The following OLFM3 variants were observed in gnomAD, a reference collection of about 807,000 sequenced individuals.
The protein encoded by OLFM3 is olfactomedin 3.
A neutral mutation model predicts 48.6 loss-of-function variants in OLFM3; 20 were observed. The ratio of observed to expected loss-of-function variants is 0.41; its 90% CI spans 0.29 to 0.60. The LOEUF is 0.60. Among genes scored for constraint, OLFM3 ranks in the 20% least tolerant of loss-of-function variants. The pLI, the probability that OLFM3 is intolerant of heterozygous loss-of-function variation, is 0.28. For synonymous variants in OLFM3, 222 were observed against 198.1 expected (o/e 1.12, Z -1.01); for missense variants, 437 against 544.3 (o/e 0.80, Z 1.96).
chr1:101,950,438 T>G (rs1383213886), intron 1 of OLFM3, among the ~76,000 whole-genome samples: 5 of 105,668 alleles, frequency 4.7e-5, no homozygotes, highest in Admixed American at 9.2e-5. Context: ...TTATCTGCTT[T>G]CTTTCTTTTT....
chr1:101,959,089 A>AT (rs57611852), intron 1 of OLFM3, among the ~76,000 whole-genome samples: 28,314 of 151,608 alleles, frequency 0.19, 2,852 homozygotes, highest in East Asian at 0.38. Context: ...TTAGAAAACA[A>AT]TTTTAGATAA....
At chr1:101,882,465 C>G (rs1657572090) in intron 1 of OLFM3, 1 of 151,494 alleles carries the variant, frequency 6.6e-6, no homozygotes, top group Non-Finnish European at 1.5e-5. Flanking sequence ...ACTAAGCCAT[C>G]TTTCATGTCT....
chr1:101,938,384 C>G (rs1659687031), intron 1 of OLFM3, among the ~76,000 whole-genome samples: 1 of 152,134 alleles, frequency 6.6e-6, no homozygotes, highest in South Asian at 2.1e-4. Flanking sequence ...GGGGGATACT[C>G]CAAGTTTTTC....
intron 1 of OLFM3, among the ~76,000 whole-genome samples, chr1:101,972,848 A>T (rs1383587520): frequency 6.6e-6 from 1 of 152,204 alleles, no homozygotes; most frequent in African/African-American, 2.4e-5. Flanking sequence ...TATAGACTGC[A>T]TGTACCACAG....
chr1:101,976,158 T>A (rs1660947608), intron 1 of OLFM3, among the ~76,000 whole-genome samples: 1 of 152,242 alleles, frequency 6.6e-6, no homozygotes, highest in South Asian at 2.1e-4. Flanking sequence ...GTATTTTTGT[T>A]ATTATTTTAG....
intron 1 of OLFM3, among the ~76,000 whole-genome samples, chr1:101,940,539 CTATG>C (rs765224403): frequency 1.7e-4 from 26 of 151,638 alleles, no homozygotes; most frequent in Non-Finnish European, 2.7e-4. Flanking sequence ...GTCTATCTAT[CTATG>C]TATCTATCTA....
At position 101,836,853 on chromosome 1, in the gene OLFM3, A is replaced by G. The variant is rs758495906; in HGVS notation, c.216+26T>C. ...AAGAATGGTCGATTTTACTAAAAAT[A>G]TGCATAGGGGACACAGGACACCTAC... On this transcript the variant is annotated intron_variant, in intron 2 of 5. Coordinates refer to ENST00000370103, the MANE Select transcript of OLFM3 (RefSeq NM_058170.4). The G allele has an allele frequency of 2.0e-5, 32 of 1,610,172 alleles. No homozygotes were observed. In the South Asian group the frequency reaches 3.0e-4, roughly 15 times the overall value.
At chr1:101,919,819 A>C (rs538247751) in intron 1 of OLFM3, among the ~76,000 whole-genome samples, 32 of 152,292 alleles carry the variant, frequency 2.1e-4, no homozygotes, top group Non-Finnish European at 4.1e-4. Context: ...TAATATGTCC[A>C]GTTGGATCTC....
chr1:101,820,485 G>C lies in OLFM3; in HGVS notation c.592+4541C>G, dbSNP rs1654559095. Among the ~76,000 whole-genome samples the C allele has an allele frequency of 2.0e-5, 3 of 152,042 alleles. No homozygotes were observed. The South Asian group carries it at 6.2e-4, about 31-fold the overall frequency. ...TAGAAATGTGACATGATTCAATTAA[G>C]AACAGGGGACTTTATCCTATTCCAT... is the stretch of plus-strand genomic sequence containing the variant. On this transcript the variant is annotated intron_variant, in intron 4 of 5. Coordinates refer to ENST00000370103, the MANE Select transcript of OLFM3 (RefSeq NM_058170.4).
At chr1:101,955,616 C>A (rs1202435506) in intron 1 of OLFM3, among the ~76,000 whole-genome samples, 3 of 151,840 alleles carry the variant, frequency 2.0e-5, no homozygotes, top group African/African-American at 7.2e-5. Context: ...ATCTCTCTGG[C>A]ATTAGTGTTC....
intron 1 of OLFM3, among the ~76,000 whole-genome samples, chr1:101,965,372 T>C (rs542436048): frequency 1.8e-4 from 28 of 152,346 alleles, no homozygotes; most frequent in African/African-American, 5.8e-4. Flanking sequence ...GTGATATTTC[T>C]GGAGAATTAG....
At chr1:101,831,518 C>A (rs149286710) in intron 2 of OLFM3, among the ~76,000 whole-genome samples, 1 of 152,080 alleles carries the variant, frequency 6.6e-6, no homozygotes, top group Non-Finnish European at 1.5e-5. Context: ...TAACCTATAA[C>A]GCATGCAGAA....
intron 1 of OLFM3, 106 bp downstream of exon 1, chr1:101,996,642 A>T (rs919414280): frequency 1.9e-5 from 22 of 1,149,030 alleles, no homozygotes; most frequent in Admixed American, 1.6e-4. Flanking sequence ...AAGGTAGCTG[A>T]AAGAGCTGTC....
At chr1:101,986,195 A>G (rs959566412) in intron 1 of OLFM3, among the ~76,000 whole-genome samples, 2 of 151,916 alleles carry the variant, frequency 1.3e-5, no homozygotes, top group Non-Finnish European at 2.9e-5. Context: ...TCGATCCCTG[A>G]CCTCGTGATC....
intron 1 of OLFM3, among the ~76,000 whole-genome samples, chr1:101,924,779 A>G (rs1012366239): frequency 2.6e-5 from 4 of 152,144 alleles, no homozygotes; most frequent in African/African-American, 7.2e-5. Context: ...AGTATCTCCA[A>G]TCAGATCAAA....
intron 1 of OLFM3, among the ~76,000 whole-genome samples, chr1:101,951,901 A>G (rs1390615927): frequency 6.6e-6 from 1 of 152,172 alleles, no homozygotes; most frequent in Non-Finnish European, 1.5e-5. Flanking sequence ...CTATCTTTAT[A>G]AAGAAGGTGG....
intron 1 of OLFM3, among the ~76,000 whole-genome samples, chr1:101,940,296 G>C (rs1463481147): frequency 1.3e-5 from 2 of 150,780 alleles, no homozygotes; most frequent in African/African-American, 4.9e-5. Context: ...CCACAATAGA[G>C]CTGTGCTATT....
chr1:101,990,414 G>GT (rs1661366656), intron 1 of OLFM3, among the ~76,000 whole-genome samples: 1 of 152,170 alleles, frequency 6.6e-6, no homozygotes, highest in South Asian at 2.1e-4. Flanking sequence ...GTTGATTGAT[G>GT]TAAGTGGAAT....
At chr1:101,808,289 G>GC (rs1478147734) in intron 4 of OLFM3, among the ~76,000 whole-genome samples, 1 of 151,690 alleles carries the variant, frequency 6.6e-6, no homozygotes, top group Non-Finnish European at 1.5e-5. Flanking sequence ...AAAAAGCAAA[G>GC]CAAAGGTACA....
Sources: allele counts gnomAD v4.1 joint callset (sites outside exome capture counted in the v4.1 genomes callset), GRCh38; gene constraint gnomAD v4.1.1; transcripts MANE v1.5; gene names NCBI Gene and HGNC (gene_info 2026-07-23, HGNC 2026-07-21).